CELSR2: variants seen among roughly 807,000 people sequenced by gnomAD.
CELSR2 encodes cadherin EGF LAG seven-pass G-type receptor 2.
CELSR2 carries 81 observed loss-of-function variants against 251.6 expected under a neutral mutation model. The ratio of observed to expected loss-of-function variants is 0.32; its 90% CI spans 0.27 to 0.39. The LOEUF (loss-of-function observed/expected upper bound fraction) is 0.39, where lower values mean the gene tolerates loss of function less well. Among genes scored for constraint, CELSR2 ranks in the 10% least tolerant of loss-of-function variants. The pLI is 1.00. For synonymous variants in CELSR2, 1,721 were observed against 1,670.5 expected, an observed-to-expected ratio of 1.03 and a Z score of -0.74; for missense variants, 3,365 against 3,947.7, an observed-to-expected ratio of 0.85 and a Z score of 3.96.
intron 15 of CELSR2, 93 bp downstream of exon 15, chr1:109,266,299 C>A: frequency 6.8e-7 from 1 of 1,477,980 alleles, no homozygotes; most frequent in Non-Finnish European, 9.1e-7. Context: ...GATCCGGGGA[C>A]CCCACTTTCT....
In CELSR2 at chr1:109,265,766, C is replaced by T. The variant is rs776264267; in HGVS notation, c.5759C>T (p.Thr1920Ile). 6.2e-7 allele frequency: 1 copy of T among 1,613,084 alleles called. No homozygotes were observed. The highest frequency in any genetic ancestry group is 8.5e-7 in the Non-Finnish European group (1 of 1,179,138). ...CACTACCGGCCCCCAGGCAGCCCCA[C>T]CTGCCTCTTGTGTGACTGCTACCCC... ...ENHYRPPGSPTCLLCDCYPTG... is the reference protein window; with the variant it reads ...ENHYRPPGSPICLLCDCYPTG... The change falls in exon 14 of 34, where the codon ACC (threonine) becomes ATC (isoleucine). Residue 1920 changes from threonine (T) to isoleucine (I), a missense_variant. Around this residue, in one of 5 missense-constraint regions of CELSR2, gnomAD observed 2,093 missense variants for 2,382.8 expected, o/e 0.88. Transcript: ENST00000271332.
chr1:109,261,649 T>A lies in CELSR2; in HGVS notation c.4297+21T>A. 1 of 1,599,842 alleles carries A rather than the reference T, an allele frequency of 6.3e-7. No individual in the cohort carries two copies. Among genetic ancestry groups the A allele is most frequent in the South Asian group, 1.1e-5 (1 of 90,830 alleles). On this transcript the variant is annotated intron_variant, in intron 4 of 33. Transcript: ENST00000271332. The surrounding 1 kb of genome is among the most constrained non-coding windows in gnomAD (Gnocchi z 4.8). ...TGCAGGTGATCACAGTTGCCCCCCATCCTTGCCCATCTTCCAAAGGCCCCA... is the reference window on the plus strand; with the variant it reads ...TGCAGGTGATCACAGTTGCCCCCCAACCTTGCCCATCTTCCAAAGGCCCCA...
In CELSR2 at chr1:109,252,585, C is replaced by T; in HGVS notation, c.2506C>T (p.Gln836Ter). 1 of 1,613,934 alleles carries T rather than the reference C, an allele frequency of 6.2e-7. No homozygotes were observed. The highest frequency in any genetic ancestry group is 2.2e-5 in the East Asian group (1 of 44,888). ...TGTGCCACCCTTCACTAGCGTCCTG[C>T]AGATCTCAGCCACTGATCGTGATTC... ...EDVPPFTSVL[Q>*]ISATDRDSGL... Residue 836 changes from glutamine to a stop codon, truncating the protein, a stop_gained, in exon 1 of 34, where the codon CAG (glutamine) becomes TAG (stop). Coordinates refer to ENST00000271332, the MANE Select transcript of CELSR2 (RefSeq NM_001408.3). LOFTEE classifies it high-confidence loss of function. This position sits in a 1 kb window ranked among gnomAD's most constrained non-coding sequence, Gnocchi z 4.8.
In CELSR2 at chr1:109,261,042, G is replaced by A. The variant is rs1656005209; in HGVS notation, c.3959G>A (p.Gly1320Asp). The A allele has an allele frequency of 7.5e-6, 12 of 1,608,270 alleles. No homozygotes were observed. Among genetic ancestry groups the A allele is most frequent in the Non-Finnish European group, 1.0e-5 (12 of 1,176,406 alleles). ...YTCLCRDGYT[G>D]EHCEVSARSG... ...CTCACCTGCCTTTCCTCTTGTCCAG[G>A]TGAGCACTGTGAGGTGAGTGCTCGC... is the stretch of plus-strand genomic sequence containing the variant. The change falls in exon 3 of 34, where the codon GGT becomes GAT. Residue 1320 changes from glycine (G) to aspartate (D), a missense_variant and splice_region_variant. Around this residue, in one of 5 missense-constraint regions of CELSR2, gnomAD observed 2,093 missense variants for 2,382.8 expected, o/e 0.88. Transcript: ENST00000271332. This position sits in a 1 kb window ranked among gnomAD's most constrained non-coding sequence, Gnocchi z 4.8.
chr1:109,267,119 CGTCA>C (rs940031447), intron 15 of CELSR2, among the ~76,000 whole-genome samples: 3 of 152,080 alleles, frequency 2.0e-5, no homozygotes, highest in Non-Finnish European at 2.9e-5. Context: ...GGGTTCCAAT[CGTCA>C]GCTCACCACC....
At position 109,268,867 on chromosome 1, in the gene CELSR2, T is replaced by C; in HGVS notation, c.6503-13T>C. ...GCCTCACAGGTCCGATCTGTGACCA[T>C]CCCCTTCCTTAGTCATCTCCGTAGT... On this transcript the variant is annotated splice_polypyrimidine_tract_variant and intron_variant, in intron 18 of 33. Coordinates refer to ENST00000271332, the MANE Select transcript of CELSR2 (RefSeq NM_001408.3). 2 of 1,596,162 alleles carry C rather than the reference T, an allele frequency of 1.3e-6. No homozygotes were observed. Among genetic ancestry groups the C allele is most frequent in the Admixed American group, 1.7e-5 (1 of 59,440 alleles).
Position 109,263,750 on chromosome 1 carries a change from C to T in CELSR2, c.4974C>T (p.Thr1658=), listed in dbSNP as rs955202121. 4.3e-6 allele frequency: 7 copies of T among 1,613,500 alleles called. No homozygotes were observed. In the African/African-American group the frequency reaches 8.0e-5, roughly 18 times the overall value. Residue 1658 remains threonine (T), a synonymous_variant, in exon 9 of 34, where the codon ACC becomes ACT. Coordinates refer to ENST00000271332, the MANE Select transcript of CELSR2 (RefSeq NM_001408.3). ...ACGGTGTCCTGCTGCAGGCCATCAC[C>T]AGGGGGCGCAGCACCATCACCCTAC... ...QADGVLLQAI[T]RGRSTITLQL...
chr1:109,252,467 C>G lies in CELSR2; in HGVS notation c.2388C>G (p.Ser796=), dbSNP rs369355603. The G allele has an allele frequency of 2.9e-5, 47 of 1,613,720 alleles. No homozygotes were observed. The highest frequency in any genetic ancestry group is 1.6e-4 in the Middle Eastern group (1 of 6,084). The change falls in exon 1 of 34, where the codon TCC becomes TCG. Residue 796 remains serine (S), a synonymous_variant. Coordinates refer to ENST00000271332, the MANE Select transcript of CELSR2 (RefSeq NM_001408.3). The surrounding 1 kb of genome is among the most constrained non-coding windows in gnomAD (Gnocchi z 4.8). ...TARDNGIPQK[S]DTTYLEILVN... ...GGGACAATGGCATTCCCCAGAAGTC[C>G]GACACCACCTACCTGGAGATCCTGG...
At position 109,251,932 on chromosome 1, in the gene CELSR2, G is replaced by A. The variant is rs1175707142; in HGVS notation, c.1853G>A (p.Arg618Gln). 4 of 1,613,990 alleles carry A rather than the reference G, an allele frequency of 2.5e-6. No homozygotes were observed. Among genetic ancestry groups the A allele is most frequent in the Non-Finnish European group, 3.4e-6 (4 of 1,180,042 alleles). Reference protein sequence around the residue: ...PTFTQPEYTVRLNEDAAVGTS... With the variant: ...PTFTQPEYTVQLNEDAAVGTS... ...TTTACCCAACCAGAGTACACAGTGC[G>A]GCTCAATGAGGATGCAGCTGTGGGC... The change falls in exon 1 of 34, where the codon CGG (arginine) becomes CAG (glutamine). Residue 618 changes from arginine (R) to glutamine (Q), a missense_variant. This residue lies in a region of CELSR2 where 60 missense variants were observed against 104.8 expected (regional missense o/e 0.57). Transcript: ENST00000271332. This position sits in a 1 kb window ranked among gnomAD's most constrained non-coding sequence, Gnocchi z 4.9.
chr1:109,273,124 A>G (rs6667814), intron 31 of CELSR2, 42 bp from the exon 32 acceptor site: 78,219 of 1,601,046 alleles, frequency 0.049, 2,433 homozygotes, highest in Admixed American at 0.12. Flanking sequence ...CCTCCTGGCT[A>G]TCTGCCCTCT....
At chr1:109,264,802 G>C in intron 11 of CELSR2, 66 bp from the exon 12 acceptor site, 2 of 1,611,098 alleles carry the variant, frequency 1.2e-6, no homozygotes, top group South Asian at 2.2e-5. Context: ...ACAGATGAAG[G>C]GTTTGATGGA....
rs1178651604 is a variant in CELSR2, at chr1:109,274,083, T to C, written c.*34T>C. The C allele has an allele frequency of 6.2e-7, 1 of 1,613,824 alleles. No individual in the cohort carries two copies. Among genetic ancestry groups the C allele is most frequent in the African/African-American group, 1.3e-5 (1 of 74,922 alleles). ...CGTGGTTCCTACGCCCGAGGCTCCC[T>C]TCCCTTCCCCAGCCGCACTCATGCC... On this transcript the variant is annotated 3_prime_UTR_variant, in exon 34 of 34. Coordinates refer to ENST00000271332, the MANE Select transcript of CELSR2 (RefSeq NM_001408.3).
chr1:109,266,245 G>T (rs1656184086), intron 15 of CELSR2, 39 bp downstream of exon 15: 1 of 1,605,648 alleles, frequency 6.2e-7, no homozygotes, highest in East Asian at 2.2e-5. Context: ...CGAGGACATG[G>T]CCTCTGCTGT....
At position 109,261,594 on chromosome 1, in the gene CELSR2, G is replaced by A. The variant is rs912358159; in HGVS notation, c.4263G>A (p.Val1421=). Residue 1421 remains valine (V), a synonymous_variant, in exon 4 of 34, where the codon GTG becomes GTA. Transcript: ENST00000271332. This position sits in a 1 kb window ranked among gnomAD's most constrained non-coding sequence, Gnocchi z 4.8. The stretch of plus-strand genomic sequence containing the variant: ...AGCATGACTTTGTGGCCCTCGAGGT[G>A]ATCCAGGAGCAGGTCCAGCTCACCT... ...NEKHDFVALE[V]IQEQVQLTFS... 1 of 1,614,064 alleles carries A rather than the reference G, an allele frequency of 6.2e-7. No homozygotes were observed. Among genetic ancestry groups the A allele is most frequent in the Admixed American group, 1.7e-5 (1 of 60,002 alleles).
In CELSR2 at chr1:109,269,165, G is replaced by A. The variant is rs778343377; in HGVS notation, c.6687G>A (p.Glu2229=). 4 of 1,611,794 alleles carry A rather than the reference G, an allele frequency of 2.5e-6. No individual in the cohort carries two copies. Among genetic ancestry groups the A allele is most frequent in the Admixed American group, 1.7e-5 (1 of 59,748 alleles). Residue 2229 remains glutamate (E), a synonymous_variant, in exon 20 of 34, where the codon GAG becomes GAA. Coordinates refer to ENST00000271332, the MANE Select transcript of CELSR2 (RefSeq NM_001408.3). The surrounding 1 kb of genome is among the most constrained non-coding windows in gnomAD (Gnocchi z 6.4). ...CCGGAGAGGCCCAGGAGCCAGAGGAGCTGGCACGGCGACAGCGACGGCACC... is the reference window on the plus strand; with the variant it reads ...CCGGAGAGGCCCAGGAGCCAGAGGAACTGGCACGGCGACAGCGACGGCACC... The part of the protein sequence containing the change: ...AGPGEAQEPE[E]LARRQRRHPE...
chr1:109,264,706 G>T, intron 11 of CELSR2, 78 bp downstream of exon 11: 4 of 1,579,802 alleles, frequency 2.5e-6, no homozygotes, highest in Non-Finnish European at 2.6e-6. Context: ...GTGACCTGGG[G>T]CATGGGGCAT....
At position 109,264,414 on chromosome 1, in the gene CELSR2, C is replaced by T. The variant is rs769882704; in HGVS notation, c.5290-40C>T. On this transcript the variant is annotated intron_variant, in intron 10 of 33. Transcript: ENST00000271332. ...CATCCCCTCCCCCACCACCTGCAGCCCCGCTCCACTGAGGGCAACACTGCT... is the reference window on the plus strand; with the variant it reads ...CATCCCCTCCCCCACCACCTGCAGCTCCGCTCCACTGAGGGCAACACTGCT... The T allele has an allele frequency of 1.2e-5, 19 of 1,599,162 alleles. No individual in the cohort carries two copies. In the South Asian group the frequency reaches 1.9e-4, roughly 16 times the overall value.
At position 109,263,460 on chromosome 1, in the gene CELSR2, G is replaced by A. The variant is rs1326310464; in HGVS notation, c.4835-151G>A. The stretch of plus-strand genomic sequence containing the variant: ...CAGAGGCAGGCCTGGGCACAGCGTG[G>A]GGCGGTCCCAGGGCAGGTACGCACT... On this transcript the variant is annotated intron_variant, in intron 8 of 33. Coordinates refer to ENST00000271332, the MANE Select transcript of CELSR2 (RefSeq NM_001408.3). The A allele has an allele frequency of 4.5e-5, 61 of 1,360,830 alleles. 1 individual carries two copies. The South Asian group carries it at 8.2e-4, about 18-fold the overall frequency. The allele number at this position is 1,360,830 out of a possible 1,614,324, so 84.3% of individuals were successfully genotyped here.
In CELSR2 at chr1:109,252,640, T is replaced by A. The variant is rs771982823; in HGVS notation, c.2561T>A (p.Phe854Tyr). The change falls in exon 1 of 34, where the codon TTC (phenylalanine) becomes TAC (tyrosine). Residue 854 changes from phenylalanine (F) to tyrosine (Y), a missense_variant. Around this residue, in one of 5 missense-constraint regions of CELSR2, gnomAD observed 505 missense variants for 660.0 expected, o/e 0.77. Transcript: ENST00000271332. The surrounding 1 kb of genome is among the most constrained non-coding windows in gnomAD (Gnocchi z 4.8). ...SGLNGRVFYT[F>Y]QGGDDGDGDF... ...CTTAATGGCAGGGTCTTCTACACCT[T>A]CCAAGGAGGCGACGATGGAGACGGT... The A allele has an allele frequency of 6.2e-7, 1 of 1,613,810 alleles. No individual in the cohort carries two copies. The highest frequency in any genetic ancestry group is 8.5e-7 in the Non-Finnish European group (1 of 1,180,036).
Sources: allele counts gnomAD v4.1 joint callset (sites outside exome capture counted in the v4.1 genomes callset), GRCh38; gene constraint gnomAD v4.1.1; regional missense constraint gnomAD v4.1.1; non-coding constraint Gnocchi (gnomAD v3.1); transcripts MANE v1.5; gene names NCBI Gene and HGNC (gene_info 2026-07-23, HGNC 2026-07-21).